SLC36A1: variants seen among roughly 807,000 people sequenced by gnomAD.
SLC36A1 encodes proton-coupled amino acid transporter 1.
In SLC36A1, 30 loss-of-function variants were observed where a neutral mutation model predicts 47.5. The observed-to-expected ratio is 0.63, with a 90% confidence interval of 0.47 to 0.86. The LOEUF is 0.86. Among genes scored for constraint, SLC36A1 ranks in the 40% least tolerant of loss-of-function variants. The pLI is 0.00. For synonymous variants in SLC36A1, 255 were observed against 249.7 expected, an observed-to-expected ratio of 1.02 and a Z score of -0.20; for missense variants, 517 against 606.0, an observed-to-expected ratio of 0.85 and a Z score of 1.54.
chr5:151,537,241 A>G, the SLC36A1 span, among the ~76,000 whole-genome samples: 1 of 151,280 alleles, frequency 6.6e-6, no homozygotes, highest in Admixed American at 6.6e-5. Flanking sequence ...AGGAAGAAGA[A>G]GAAAAAGGAG....
the SLC36A1 span, chr5:151,521,160 G>T: frequency 9.2e-7 from 1 of 1,081,728 alleles, no homozygotes; most frequent in South Asian, 1.7e-5. Flanking sequence ...TGGCCTTTGG[G>T]CTTATTAAAA....
At chr5:151,525,973 C>T in the SLC36A1 span, 9 of 1,613,358 alleles carry the variant, frequency 5.6e-6, no homozygotes, top group African/African-American at 1.3e-5. Context: ...CTCCTGAGAC[C>T]GAGAGTGACA....
the SLC36A1 span, chr5:151,505,491 C>T: frequency 1.4e-5 from 22 of 1,571,938 alleles, no homozygotes; most frequent in African/African-American, 2.7e-5. Flanking sequence ...CTCAACTCAC[C>T]CCCTACGAGA....
intron 10 of SLC36A1, 43 bp from the exon 11 acceptor site, chr5:151,487,940 C>T (rs1232656657): frequency 1.2e-6 from 2 of 1,606,866 alleles, no homozygotes; most frequent in East Asian, 2.2e-5. Context: ...AGACCTTTCC[C>T]AGCTCTGGGC....
the SLC36A1 span, among the ~76,000 whole-genome samples, chr5:151,529,902 G>T: frequency 6.6e-6 from 1 of 152,148 alleles, no homozygotes; most frequent in Non-Finnish European, 1.5e-5. Context: ...AGAAATAAAA[G>T]AACAAGGATT....
chr5:151,379,948 A>G, the SLC36A1 span, among the ~76,000 whole-genome samples: 1 of 151,922 alleles, frequency 6.6e-6, no homozygotes, highest in Non-Finnish European at 1.5e-5. Flanking sequence ...TCTCTAATCG[A>G]TAATCTAAAC....
the SLC36A1 span, among the ~76,000 whole-genome samples, chr5:151,352,865 G>T: frequency 3.9e-5 from 6 of 152,304 alleles, no homozygotes; most frequent in South Asian, 1.2e-3. Flanking sequence ...CCCATCTCAA[G>T]ATCCCTAACT....
the SLC36A1 span, among the ~76,000 whole-genome samples, chr5:151,523,231 T>C: frequency 2.6e-5 from 4 of 152,192 alleles, no homozygotes; most frequent in Non-Finnish European, 4.4e-5. Context: ...CTACTGTTAA[T>C]TATAATGTAT....
At chr5:151,387,694 T>C in the SLC36A1 span, among the ~76,000 whole-genome samples, 1 of 152,326 alleles carries the variant, frequency 6.6e-6, no homozygotes, top group Non-Finnish European at 1.5e-5. Context: ...CTTGAACTCT[T>C]GGGCTCAAGT....
chr5:151,505,952 G>A, the SLC36A1 span: 6 of 1,575,504 alleles, frequency 3.8e-6, no homozygotes, highest in African/African-American at 8.2e-5. Flanking sequence ...CCCCATAGAG[G>A]CCATTAGGCT....
chr5:151,462,779 G>GTTATTA (rs59698783), intron 2 of SLC36A1, among the ~76,000 whole-genome samples: 2,266 of 151,264 alleles, frequency 0.015, 65 homozygotes, highest in African/African-American at 0.052. Flanking sequence ...TGGGGCTTCT[G>GTTATTA]TTATTATTAT....
chr5:151,424,203 A>G, the SLC36A1 span, among the ~76,000 whole-genome samples: 1 of 152,226 alleles, frequency 6.6e-6, no homozygotes, highest in Non-Finnish European at 1.5e-5. Flanking sequence ...ATAAAAGTAC[A>G]TTATGTTGGA....
At chr5:151,371,143 A>C in the SLC36A1 span, among the ~76,000 whole-genome samples, 3 of 152,106 alleles carry the variant, frequency 2.0e-5, no homozygotes, top group African/African-American at 7.2e-5. Flanking sequence ...ACATTGAAAA[A>C]TGTCCTCCAG....
At chr5:151,535,001 ACATTTTC>A in the SLC36A1 span, among the ~76,000 whole-genome samples, 6 of 143,380 alleles carry the variant, frequency 4.2e-5, no homozygotes, top group East Asian at 2.1e-4. Flanking sequence ...ATATATGTAT[ACATTTTC>A]TATAGAAAAA....
At chr5:151,547,402 T>C in the SLC36A1 span, among the ~76,000 whole-genome samples, 1 of 152,232 alleles carries the variant, frequency 6.6e-6, no homozygotes, top group Non-Finnish European at 1.5e-5. Context: ...AATCTTTTAA[T>C]GCCATTAAAT....
chr5:151,357,148 C>T, the SLC36A1 span, among the ~76,000 whole-genome samples: 1 of 152,200 alleles, frequency 6.6e-6, no homozygotes, highest in Non-Finnish European at 1.5e-5. Context: ...GGAAAATCTT[C>T]ATTTCCTAGA....
the SLC36A1 span, among the ~76,000 whole-genome samples, chr5:151,392,545 A>G: frequency 1.3e-5 from 2 of 152,224 alleles, no homozygotes; most frequent in Non-Finnish European, 2.9e-5. Context: ...ATTTAGTGCT[A>G]TAAATTTCCC....
the SLC36A1 span, among the ~76,000 whole-genome samples, chr5:151,405,464 T>C: frequency 6.6e-6 from 1 of 150,942 alleles, no homozygotes; most frequent in African/African-American, 2.4e-5. Context: ...TCTGCCTGCC[T>C]TGGCCTCCCA....
chr5:151,433,255 TA>T (rs1561705048), upstream of SLC36A1, among the ~76,000 whole-genome samples: 12 of 20,924 alleles, frequency 5.7e-4, no homozygotes, highest in African/African-American at 2.1e-3. Context: ...TATATATATA[TA>T]TATATATATA....
Sources: allele counts gnomAD v4.1 joint callset (sites outside exome capture counted in the v4.1 genomes callset), GRCh38; gene constraint gnomAD v4.1.1; transcripts MANE v1.5; gene names NCBI Gene and HGNC (gene_info 2026-07-23, HGNC 2026-07-21).